ASTN1: variants seen among roughly 807,000 people sequenced by gnomAD.
ASTN1 encodes the protein astrotactin 1, also known as astrotactin-1.
A neutral mutation model predicts 140.7 loss-of-function variants in ASTN1; 41 were observed. The observed-to-expected ratio is 0.29, with a 90% CI of 0.23 to 0.38. ASTN1 has a LOEUF of 0.38. Among genes scored for constraint, ASTN1 ranks in the 10% least tolerant of loss-of-function variants. The pLI is 1.00. For synonymous variants in ASTN1, 640 were observed against 652.2 expected (o/e 0.98, Z 0.29); for missense variants, 1,479 against 1,678.8 (o/e 0.88, Z 2.08).
At chr1:177,151,281 C>A (rs1158820206) in intron 1 of ASTN1, among the ~76,000 whole-genome samples, 1 of 152,064 alleles carries the variant, frequency 6.6e-6, no homozygotes, top group Admixed American at 6.6e-5. Flanking sequence ...TTCTCTCTTT[C>A]TTTCTAGAAT....
rs1353894769 is a variant in ASTN1 at position 176,882,839 on chromosome 1, G to C, written c.3362+20C>G. The C allele has an allele frequency of 6.2e-7, 1 of 1,613,908 alleles. No individual in the cohort carries two copies. The highest frequency in any genetic ancestry group is 8.5e-7 in the Non-Finnish European group (1 of 1,179,948). The stretch of plus-strand genomic sequence containing the variant: ...GGACTGTCAGGGTAAGAAGTCACTA[G>C]GTAGGTGTGTGTTACTCACATGTAA... On this transcript the variant is annotated intron_variant, in intron 20 of 22. Coordinates refer to ENST00000361833, the MANE Select transcript of ASTN1 (RefSeq NM_004319.3).
chr1:176,935,134 T>G (rs1414173508), intron 15 of ASTN1, among the ~76,000 whole-genome samples: 1 of 152,172 alleles, frequency 6.6e-6, no homozygotes, highest in African/African-American at 2.4e-5. Flanking sequence ...ATCCAATACC[T>G]TTTGGATCTA....
chr1:176,912,359 T>C (rs1484717708), intron 16 of ASTN1, among the ~76,000 whole-genome samples: 8 of 152,218 alleles, frequency 5.3e-5, no homozygotes, highest in Non-Finnish European at 1.0e-4. Flanking sequence ...ACATTATTTA[T>C]GGATGGTAAA....
chr1:177,095,325 G>C (rs1490429102), intron 1 of ASTN1, among the ~76,000 whole-genome samples: 4 of 152,222 alleles, frequency 2.6e-5, no homozygotes, highest in Non-Finnish European at 5.9e-5. Flanking sequence ...AAGGAGATTA[G>C]TATGGATCTG....
chr1:176,898,582 C>A (rs1669628396), intron 16 of ASTN1, among the ~76,000 whole-genome samples: 1 of 152,208 alleles, frequency 6.6e-6, no homozygotes, highest in South Asian at 2.1e-4. Context: ...CACCTATAAC[C>A]ATCACGTCTG....
chr1:177,126,441 C>G (rs996626617), intron 1 of ASTN1, among the ~76,000 whole-genome samples: 4 of 152,176 alleles, frequency 2.6e-5, no homozygotes, highest in African/African-American at 9.7e-5. Flanking sequence ...AAATGCGATA[C>G]TCTAGGGTCT....
At chr1:176,914,751 C>A (rs140202296) in intron 16 of ASTN1, among the ~76,000 whole-genome samples, 1 of 152,124 alleles carries the variant, frequency 6.6e-6, no homozygotes, top group African/African-American at 2.4e-5. Context: ...AACAACAATG[C>A]GACCTTGGAG....
intron 16 of ASTN1, among the ~76,000 whole-genome samples, chr1:176,931,927 C>T (rs1453623315): frequency 6.6e-6 from 1 of 152,198 alleles, no homozygotes; most frequent in East Asian, 1.9e-4. Flanking sequence ...CCTGAGAATA[C>T]ATCCTATGTA....
At chr1:176,946,817 T>A (rs1267410237) in intron 12 of ASTN1, among the ~76,000 whole-genome samples, 1 of 152,154 alleles carries the variant, frequency 6.6e-6, no homozygotes, top group Non-Finnish European at 1.5e-5. Flanking sequence ...GCAACATCAA[T>A]GTTAGTAAAT....
intron 8 of ASTN1, among the ~76,000 whole-genome samples, chr1:176,985,038 A>C (rs1571606249): frequency 6.6e-6 from 1 of 152,208 alleles, no homozygotes; most frequent in South Asian, 2.1e-4. Flanking sequence ...GTGGTGGGAA[A>C]GCAACTTTGT....
chr1:177,038,924 T>C (rs1385331814), intron 2 of ASTN1, among the ~76,000 whole-genome samples: 1 of 152,204 alleles, frequency 6.6e-6, no homozygotes. Context: ...GATGAAGATA[T>C]CTTGGGCTAG....
At position 176,977,885 on chromosome 1, in the gene ASTN1, C is replaced by T. The variant is rs114192498; in HGVS notation, c.1524-12648G>A. Among the ~76,000 whole-genome samples, 1,102 of 152,294 alleles carry T rather than the reference C, an allele frequency of 7.2e-3. 11 individuals carry two copies. The highest frequency in any genetic ancestry group is 0.025 in the African/African-American group (1,038 of 41,552). On this transcript the variant is annotated intron_variant, in intron 8 of 22. Transcript: ENST00000361833. ...AGAAGAACTAAGGAGAGTCACTGGGCTGCACTGGCTGAAGGCTAATGACTT... is the reference window on the plus strand; with the variant it reads ...AGAAGAACTAAGGAGAGTCACTGGGTTGCACTGGCTGAAGGCTAATGACTT...
chr1:177,011,826 T>G (rs1675310208), intron 8 of ASTN1, among the ~76,000 whole-genome samples: 2 of 151,646 alleles, frequency 1.3e-5, no homozygotes, highest in African/African-American at 4.8e-5. Flanking sequence ...CTCCTCCACC[T>G]CAAAAAAAAA....
At chr1:176,924,302 T>A (rs144146017) in intron 16 of ASTN1, among the ~76,000 whole-genome samples, 2 of 152,336 alleles carry the variant, frequency 1.3e-5, no homozygotes, top group African/African-American at 4.8e-5. Context: ...GTCAGGGTTT[T>A]GTGTTTGCTA....
At chr1:176,966,037 T>C (rs919522322) in intron 8 of ASTN1, among the ~76,000 whole-genome samples, 1 of 152,206 alleles carries the variant, frequency 6.6e-6, no homozygotes, top group Non-Finnish European at 1.5e-5. Context: ...AAGCCCATTA[T>C]TTAATTATTA....
At chr1:177,143,147 A>G (rs1356317539) in intron 1 of ASTN1, among the ~76,000 whole-genome samples, 1 of 152,230 alleles carries the variant, frequency 6.6e-6, no homozygotes, top group Non-Finnish European at 1.5e-5. Context: ...TAAAACTGCC[A>G]GGCGACAGCG....
intron 2 of ASTN1, among the ~76,000 whole-genome samples, chr1:177,058,451 A>T (rs1490842361): frequency 6.6e-6 from 1 of 152,208 alleles, no homozygotes; most frequent in East Asian, 1.9e-4. Context: ...GAAAAATAAA[A>T]TGTCATAGTG....
intron 1 of ASTN1, among the ~76,000 whole-genome samples, chr1:177,129,248 G>C (rs1349788414): frequency 1.3e-5 from 2 of 152,160 alleles, no homozygotes; most frequent in Non-Finnish European, 2.9e-5. Flanking sequence ...TGCGTTCATA[G>C]AACAAGTTGG....
In ASTN1 at chr1:177,023,469, C is replaced by T; in HGVS notation, c.1373G>A (p.Trp458Ter). ...LFSQQNSSGP[W>*]AMDLCARRLL... is the part of the protein sequence containing the mutation. ...CCGCCGGGCACAGAGGTCCATGGCCCAGGGTCCGCTGGAGTTCTGCTGAGA... is the reference window on the plus strand; with the variant it reads ...CCGCCGGGCACAGAGGTCCATGGCCTAGGGTCCGCTGGAGTTCTGCTGAGA... The change falls in exon 7 of 23, where the codon TGG (tryptophan) becomes TAG (stop). Residue 458 changes from tryptophan to a stop codon, truncating the protein, a stop_gained. Transcript: ENST00000361833. LOFTEE classifies it high-confidence loss of function. 6.2e-7 allele frequency: 1 copy of T among 1,611,884 alleles called. No individual in the cohort carries two copies. The highest frequency in any genetic ancestry group is 8.5e-7 in the Non-Finnish European group (1 of 1,179,070).
Sources: gnomAD v4.1 joint callset for allele counts (sites outside exome capture counted in the v4.1 genomes callset) on GRCh38, gnomAD v4.1.1 for gene constraint, MANE v1.5 for transcripts, NCBI Gene and HGNC (gene_info 2026-07-23, HGNC 2026-07-21) for gene names.